Variants in IL15 observed in about 807,000 individuals in gnomAD.
IL15 encodes the protein interleukin 15, also known as interleukin-15.
Under a neutral mutation model 19.6 loss-of-function variants are expected in IL15, and 11 were observed. The ratio of observed to expected loss-of-function variants is 0.56; its 90% CI spans 0.35 to 0.93. IL15 has a LOEUF of 0.93. IL15 is among the 40% of genes least tolerant of loss of function. The probability of loss-of-function intolerance (pLI) is 0.01; values close to 1 mark genes in which losing one functional copy is unlikely to be tolerated. For synonymous variants in IL15, 58 were observed against 59.6 expected (o/e 0.97, Z 0.12); for missense variants, 197 against 186.5 (o/e 1.06, Z -0.33).
chr4:141,705,936 T>G (rs1408318005), intron 2 of IL15, among the ~76,000 whole-genome samples: 1 of 152,016 alleles, frequency 6.6e-6, no homozygotes, highest in East Asian at 1.9e-4. Flanking sequence ...AATATCTTCT[T>G]CTATCCCTCC....
At chr4:141,671,858 T>A (rs1386773732) in intron 2 of IL15, among the ~76,000 whole-genome samples, 1 of 152,158 alleles carries the variant, frequency 6.6e-6, no homozygotes, top group Non-Finnish European at 1.5e-5. Context: ...CACCTTTCAA[T>A]GGGAGAAGTG....
chr4:141,699,583 C>T (rs926595425), intron 2 of IL15, among the ~76,000 whole-genome samples: 7 of 151,940 alleles, frequency 4.6e-5, no homozygotes. Context: ...TATATAATGT[C>T]CTTCTTTGTC....
chr4:141,719,381 G>A lies in IL15; in HGVS notation c.-84G>A, dbSNP rs1236104715. 1.1e-5 allele frequency: 8 copies of A among 713,886 alleles called. No individual in the cohort carries two copies. In the Admixed American group the frequency reaches 1.3e-4, roughly 11 times the overall value. 44.2% of individuals were successfully genotyped at this position (713,886 alleles called of 1,614,324 possible). A position where few individuals can be genotyped will look rare whatever the true frequency, so the allele number is the denominator to read the frequency against. ...TTTACCCTAGATTGTATTGTAGGAG[G>A]CATTGTGGATGGATGGCTGCTGGAA... is the stretch of plus-strand genomic sequence containing the variant. On this transcript the variant is annotated 5_prime_UTR_variant, in exon 3 of 8. Coordinates refer to ENST00000320650, the MANE Select transcript of IL15 (RefSeq NM_000585.5).
chr4:141,644,509 C>T (rs1292104202), intron 1 of IL15, among the ~76,000 whole-genome samples: 1 of 152,074 alleles, frequency 6.6e-6, no homozygotes, highest in African/African-American at 2.4e-5. Flanking sequence ...GTATGTGACC[C>T]CTATACATGA....
Position 141,720,552 on chromosome 4 carries a change from T to C in IL15, c.96T>C (p.His32=), listed in dbSNP as rs1226005748. The change falls in exon 4 of 8, where the codon CAT becomes CAC. Residue 32 remains histidine (H), a synonymous_variant. Coordinates refer to ENST00000320650, the MANE Select transcript of IL15 (RefSeq NM_000585.5). ...ATTTTCTAACTGAAGCTGGCATTCA[T>C]GTCTTCATTTTGGGGTAATTTTATC... ...NSHFLTEAGI[H]VFILGCFSAG... is the part of the protein sequence containing the mutation. 1 of 1,548,620 alleles carries C rather than the reference T, an allele frequency of 6.5e-7. No individual in the cohort carries two copies.
chr4:141,704,996 G>T (rs1729458647), intron 2 of IL15, among the ~76,000 whole-genome samples: 1 of 151,160 alleles, frequency 6.6e-6, no homozygotes, highest in South Asian at 2.1e-4. Context: ...GTAAAGGTTT[G>T]TTGATTTTTA....
chr4:141,655,386 A>C (rs1727554494), intron 1 of IL15, among the ~76,000 whole-genome samples: 1 of 152,124 alleles, frequency 6.6e-6, no homozygotes. Flanking sequence ...GAAAAAAAAA[A>C]ACAATTCTAA....
chr4:141,702,378 G>A (rs1369705967), intron 2 of IL15, among the ~76,000 whole-genome samples: 1 of 152,234 alleles, frequency 6.6e-6, no homozygotes, highest in African/African-American at 2.4e-5. Flanking sequence ...GATGGAGAAT[G>A]TCTGCAAAGG....
chr4:141,667,292 C>A (rs997104977), intron 2 of IL15, among the ~76,000 whole-genome samples: 2 of 152,108 alleles, frequency 1.3e-5, no homozygotes, highest in Non-Finnish European at 2.9e-5. Context: ...TATAACTGAT[C>A]GGTTAGAAGC....
intron 2 of IL15, among the ~76,000 whole-genome samples, chr4:141,686,888 C>A (rs1414088119): frequency 2.6e-5 from 4 of 152,100 alleles, no homozygotes; most frequent in African/African-American, 9.7e-5. Context: ...TAGATGCATA[C>A]ACTCAGATTT....
intron 2 of IL15, among the ~76,000 whole-genome samples, chr4:141,701,951 T>C (rs140891939): frequency 1.4e-3 from 207 of 152,288 alleles, no homozygotes; most frequent in African/African-American, 4.5e-3. Flanking sequence ...ACTCCCCCTG[T>C]TGGGCTGCAA....
At chr4:141,693,013 T>G in intron 2 of IL15, among the ~76,000 whole-genome samples, 1 of 20,112 alleles carries the variant, frequency 5.0e-5, no homozygotes, top group African/African-American at 2.5e-4. Context: ...CAAGACTCCG[T>G]CTCAAAAAAA....
At chr4:141,706,825 C>T (rs1729532566) in intron 2 of IL15, among the ~76,000 whole-genome samples, 1 of 151,936 alleles carries the variant, frequency 6.6e-6, no homozygotes, top group Non-Finnish European at 1.5e-5. Flanking sequence ...ATTTGTCTTG[C>T]AGCTTTTAGA....
chr4:141,659,423 G>A (rs1331780627), intron 2 of IL15, among the ~76,000 whole-genome samples: 2 of 152,008 alleles, frequency 1.3e-5, no homozygotes, highest in South Asian at 2.1e-4. Flanking sequence ...GGCTGGTCTC[G>A]AACTCCTGAC....
intron 2 of IL15, among the ~76,000 whole-genome samples, chr4:141,709,665 CTT>C (rs1254932337): frequency 1.3e-5 from 2 of 151,934 alleles, no homozygotes; most frequent in African/African-American, 2.4e-5. Flanking sequence ...TATTTGATAA[CTT>C]ATTTTTCATA....
chr4:141,683,133 G>A (rs557200829), intron 2 of IL15, among the ~76,000 whole-genome samples: 1 of 152,180 alleles, frequency 6.6e-6, no homozygotes, highest in South Asian at 2.1e-4. Flanking sequence ...GCCCGGCGTG[G>A]TGGCAGGTGC....
At chr4:141,646,912 G>T (rs955763359) in intron 1 of IL15, among the ~76,000 whole-genome samples, 1 of 151,964 alleles carries the variant, frequency 6.6e-6, no homozygotes, top group Non-Finnish European at 1.5e-5. Flanking sequence ...ATTAGTGCTA[G>T]GCATATGGTA....
At chr4:141,642,946 A>T (rs968452712) in intron 1 of IL15, among the ~76,000 whole-genome samples, 1 of 152,242 alleles carries the variant, frequency 6.6e-6, no homozygotes, top group Non-Finnish European at 1.5e-5. Flanking sequence ...AGCATGAGTC[A>T]ATCATCTTTC....
chr4:141,678,028 T>C (rs1048432504), intron 2 of IL15, among the ~76,000 whole-genome samples: 1 of 152,204 alleles, frequency 6.6e-6, no homozygotes, highest in Non-Finnish European at 1.5e-5. Flanking sequence ...GGCCTAATTT[T>C]ATCTGTGGTG....
Sources: allele counts gnomAD v4.1 joint callset (sites outside exome capture counted in the v4.1 genomes callset), GRCh38; gene constraint gnomAD v4.1.1; transcripts MANE v1.5; gene names NCBI Gene and HGNC (gene_info 2026-07-23, HGNC 2026-07-21).